The following METTL16 variants were observed in gnomAD, a reference collection of about 807,000 sequenced individuals.
The protein encoded by METTL16 is RNA N(6)-adenosine-methyltransferase METTL16.
A neutral mutation model predicts 57.9 loss-of-function variants in METTL16; 19 were observed. The ratio of observed to expected loss-of-function variants is 0.33; its 90% CI spans 0.23 to 0.48. METTL16 has a LOEUF of 0.48. Ranked by LOEUF, METTL16 falls within the 20% of genes least tolerant of loss-of-function variation. METTL16 has a pLI of 0.99. For missense variants in METTL16, 434 were observed against 691.5 expected, an observed-to-expected ratio of 0.63 and a Z score of 4.18; for synonymous variants, 246 against 255.6, an observed-to-expected ratio of 0.96 and a Z score of 0.36.
At chr17:2,500,942 C>G (rs573612103) in intron 2 of METTL16, among the ~76,000 whole-genome samples, 1 of 152,034 alleles carries the variant, frequency 6.6e-6, no homozygotes, top group East Asian at 1.9e-4. Flanking sequence ...CATGGTGAAA[C>G]TCTGTCCCTA....
At chr17:2,447,180 G>A (rs1342573243) in intron 6 of METTL16, among the ~76,000 whole-genome samples, 3 of 146,164 alleles carry the variant, frequency 2.1e-5, no homozygotes, top group Non-Finnish European at 1.5e-5. Context: ...AGTGAGGAGC[G>A]TCTCTGCCCG....
chr17:2,472,156 C>T (rs1178517822), intron 4 of METTL16, among the ~76,000 whole-genome samples: 1 of 150,734 alleles, frequency 6.6e-6, no homozygotes, highest in African/African-American at 2.4e-5. Context: ...GACATCTCAC[C>T]AAAAAAGATA....
chr17:2,491,432 C>G (rs985392351), intron 2 of METTL16, among the ~76,000 whole-genome samples: 3 of 152,136 alleles, frequency 2.0e-5, no homozygotes, highest in African/African-American at 7.2e-5. Flanking sequence ...CCTGTAGAAG[C>G]TGAACCTGAT....
At chr17:2,475,279 G>A (rs955906535) in intron 3 of METTL16, 1 of 152,182 alleles carries the variant, frequency 6.6e-6, no homozygotes, top group Non-Finnish European at 1.5e-5. Context: ...AGTGCTACTG[G>A]ACAAGCACGT....
intron 2 of METTL16, among the ~76,000 whole-genome samples, chr17:2,480,789 C>T (rs2067300285): frequency 6.6e-6 from 1 of 152,248 alleles, no homozygotes; most frequent in Middle Eastern, 3.4e-3. Flanking sequence ...TGAGTCCATC[C>T]TTAAATGTAG....
rs71150866 is a variant in METTL16, at chr17:2,448,802, T to TAAA, written c.729-7246_729-7244dup. Among the ~76,000 whole-genome samples the TAAA allele has an allele frequency of 3.9e-3, 170 of 43,562 alleles. 1 individual carries two copies. The highest frequency in any genetic ancestry group is 0.011 in the African/African-American group (85 of 7,614). 28.6% of individuals were successfully genotyped at this position (43,562 alleles called of 152,430 possible). ...AAAATAAAAAAATAAAAATAAAATTTAAAAAAAAAAAAAAAAAAAAAAAAG... is the reference window on the plus strand; with the variant it reads ...AAAATAAAAAAATAAAAATAAAATTTAAAAAAAAAAAAAAAAAAAAAAAAAAAG... On this transcript the variant is annotated intron_variant, in intron 6 of 9. Coordinates refer to ENST00000263092, the MANE Select transcript of METTL16 (RefSeq NM_024086.4).
intron 6 of METTL16, among the ~76,000 whole-genome samples, chr17:2,453,391 C>A (rs939322779): frequency 6.6e-6 from 1 of 152,178 alleles, no homozygotes. Flanking sequence ...ACTCTCATGA[C>A]CTTAATGTTT....
intron 6 of METTL16, among the ~76,000 whole-genome samples, chr17:2,447,497 G>C (rs1257079637): frequency 3.0e-5 from 4 of 134,342 alleles, no homozygotes; most frequent in African/African-American, 1.3e-4. Flanking sequence ...CGGGAGGTGA[G>C]GGGCTCCTCT....
chr17:2,434,438 C>T (rs2066895505), intron 8 of METTL16, among the ~76,000 whole-genome samples: 1 of 152,222 alleles, frequency 6.6e-6, no homozygotes, highest in African/African-American at 2.4e-5. Context: ...TGGTCTCAAA[C>T]TCCTGACTTC....
intron 8 of METTL16, among the ~76,000 whole-genome samples, chr17:2,430,253 C>T (rs2066862602): frequency 3.3e-5 from 5 of 151,946 alleles, no homozygotes; most frequent in Admixed American, 3.3e-4. Context: ...GCTGGGACTT[C>T]AGGCGCATAC....
rs569017633 is a variant in METTL16, at chr17:2,438,069, G to T, written c.888+40C>A. 142 of 1,398,788 alleles carry T rather than the reference G, an allele frequency of 1.0e-4. 3 individuals are homozygous for T. The South Asian group carries it at 1.6e-3, about 15-fold the overall frequency. 86.6% of individuals were successfully genotyped at this position (1,398,788 alleles called of 1,614,324 possible). On this transcript the variant is annotated intron_variant, in intron 8 of 9. Transcript: ENST00000263092. The stretch of plus-strand genomic sequence containing the variant: ...CTTATGATGGACTGAAACCCACCAT[G>T]TGCTGGCAGGTGGTGAAGCGGAGCA...
intron 8 of METTL16, among the ~76,000 whole-genome samples, chr17:2,433,799 C>G (rs2066891413): frequency 6.6e-6 from 1 of 152,210 alleles, no homozygotes; most frequent in Non-Finnish European, 1.5e-5. Context: ...TTCCTTTAAA[C>G]ATACAACAAA....
intron 2 of METTL16, among the ~76,000 whole-genome samples, chr17:2,483,103 CAGATT>C (rs1268122487): frequency 6.6e-6 from 1 of 150,706 alleles, no homozygotes; most frequent in Non-Finnish European, 1.5e-5. Context: ...ATAATACTCT[CAGATT>C]AGATTACAAA....
chr17:2,446,516 C>T, intron 6 of METTL16, among the ~76,000 whole-genome samples: 1 of 152,186 alleles, frequency 6.6e-6, no homozygotes, highest in East Asian at 1.9e-4. Flanking sequence ...GGTGCAGTGG[C>T]TCACACCTGT....
chr17:2,511,621 C>T, intron 1 of METTL16, 138 bp downstream of exon 1: 2 of 388,592 alleles, frequency 5.1e-6, no homozygotes, highest in Admixed American at 8.9e-5. Context: ...TGCGCACACA[C>T]AGCCACATCA....
chr17:2,502,393 G>A (rs976564675), intron 1 of METTL16, 62 bp from the exon 2 acceptor site: 77 of 1,536,686 alleles, frequency 5.0e-5, no homozygotes, highest in Admixed American at 1.2e-4. Flanking sequence ...AATGGGGGCC[G>A]GGTGCGGTGC....
intron 5 of METTL16, 53 bp from the exon 6 acceptor site, chr17:2,464,403 G>A (rs987921791): frequency 2.7e-6 from 4 of 1,498,234 alleles, no homozygotes; most frequent in Non-Finnish European, 3.6e-6. Flanking sequence ...CAAGAACCAA[G>A]TTTGAATGTA....
intron 6 of METTL16, among the ~76,000 whole-genome samples, chr17:2,441,948 G>T (rs142634647): frequency 6.6e-6 from 1 of 152,284 alleles, no homozygotes; most frequent in East Asian, 1.9e-4. Flanking sequence ...ATTAGATCCA[G>T]CATGAACCTG....
At chr17:2,464,066 T>G in intron 6 of METTL16, 142 bp downstream of exon 6, 1 of 738,464 alleles carries the variant, frequency 1.4e-6, no homozygotes, top group Non-Finnish European at 2.1e-6. Flanking sequence ...GAGGTTGCAG[T>G]GAGCTGAGAT....
Sources: allele counts gnomAD v4.1 joint callset (sites outside exome capture counted in the v4.1 genomes callset), GRCh38; gene constraint gnomAD v4.1.1; transcripts MANE v1.5; gene names NCBI Gene and HGNC (gene_info 2026-07-23, HGNC 2026-07-21).